The following HELQ variants were observed in gnomAD, a reference collection of about 807,000 sequenced individuals.
HELQ encodes the protein helicase, POLQ like, also known as helicase POLQ-like.
In HELQ, 77 loss-of-function variants were observed where a neutral mutation model predicts 111.6. That is an observed-to-expected ratio of 0.69 (90% CI 0.57 to 0.83). HELQ has a LOEUF of 0.83. Ranked by LOEUF, HELQ falls within the 40% of genes least tolerant of loss-of-function variation. The pLI is 0.00. For missense variants in HELQ, 1,200 were observed against 1,288.5 expected, an observed-to-expected ratio of 0.93 and a Z score of 1.05; for synonymous variants, 438 against 454.7, an observed-to-expected ratio of 0.96 and a Z score of 0.47.
intron 12 of HELQ, among the ~76,000 whole-genome samples, 174 bp from the exon 13 acceptor site, chr4:83,427,894 A>G (rs1384954022): frequency 3.9e-5 from 6 of 152,254 alleles, no homozygotes; most frequent in Non-Finnish European, 8.8e-5. Flanking sequence ...TCAACACTTT[A>G]TAAGTACATA....
rs1553932801 is a variant in HELQ at position 83,448,669 on chromosome 4, C to CAG, written c.1191+113_1191+114insCT. ...TGGGTGACAGAGCAAGACTCCATCT[C>CAG]AAAAAAAAAAAAAAAGAGGTACTTC... On this transcript the variant is annotated intron_variant, in intron 3 of 17. Transcript: ENST00000295488. 5.5e-3 allele frequency: 3,695 copies of CAG among 671,924 alleles called. 1 individual carries two copies. The highest frequency in any genetic ancestry group is 7.1e-3 in the Non-Finnish European group (3,186 of 445,830). 41.6% of individuals were successfully genotyped at this position (671,924 alleles called of 1,614,324 possible).
At chr4:83,453,109 T>C (rs1212515242) in intron 2 of HELQ, 122 bp downstream of exon 2, 1 of 634,726 alleles carries the variant, frequency 1.6e-6, no homozygotes, top group Admixed American at 3.0e-5. Context: ...GAGAGATCAC[T>C]GATCTTTTGT....
intron 14 of HELQ, among the ~76,000 whole-genome samples, chr4:83,422,070 A>G (rs902584297): frequency 4.0e-5 from 6 of 151,830 alleles, no homozygotes; most frequent in Non-Finnish European, 8.8e-5. Context: ...AAAAACAAAC[A>G]AAAAACGTGG....
intron 2 of HELQ, among the ~76,000 whole-genome samples, 154 bp from the exon 3 acceptor site, chr4:83,449,115 A>G (rs1223903753): frequency 6.6e-6 from 1 of 152,234 alleles, no homozygotes; most frequent in Non-Finnish European, 1.5e-5. Flanking sequence ...AAAAATCCCA[A>G]ATGTGCAAGT....
chr4:83,431,932 A>G (rs933211693), intron 10 of HELQ, among the ~76,000 whole-genome samples, 164 bp from the exon 11 acceptor site: 1 of 152,144 alleles, frequency 6.6e-6, no homozygotes. Context: ...TGGAAGAAAA[A>G]CAAATAGGAA....
intron 5 of HELQ, among the ~76,000 whole-genome samples, 197 bp downstream of exon 5, chr4:83,445,817 C>T (rs918800338): frequency 4.2e-4 from 64 of 152,146 alleles, no homozygotes; most frequent in African/African-American, 1.4e-3. Flanking sequence ...TAGTAAGTGG[C>T]GGATAATAAT....
chr4:83,418,271 T>C (rs1413456486), intron 15 of HELQ, 65 bp from the exon 16 acceptor site: 4 of 852,910 alleles, frequency 4.7e-6, no homozygotes, highest in African/African-American at 1.7e-5. Context: ...TTGGTTTGTG[T>C]GATAGGGGGC....
At chr4:83,440,686 C>T (rs955625013) in intron 7 of HELQ, among the ~76,000 whole-genome samples, 6 of 152,104 alleles carry the variant, frequency 3.9e-5, no homozygotes, top group Non-Finnish European at 8.8e-5. Context: ...ATTTTATACA[C>T]CAATATCTGA....
At chr4:83,409,939 G>A (rs1466373121) in intron 17 of HELQ, among the ~76,000 whole-genome samples, 1 of 151,926 alleles carries the variant, frequency 6.6e-6, no homozygotes, top group Non-Finnish European at 1.5e-5. Context: ...TAAAAAGCAG[G>A]AAAACAATAA....
chr4:83,448,604 A>G (rs1262424080), intron 3 of HELQ, among the ~76,000 whole-genome samples, 179 bp downstream of exon 3: 1 of 149,754 alleles, frequency 6.7e-6, no homozygotes, highest in African/African-American at 2.5e-5. Context: ...TGGGAGGCGG[A>G]GGTTGCAGTG....
chr4:83,410,307 A>G (rs1739019131), intron 17 of HELQ, among the ~76,000 whole-genome samples: 1 of 152,250 alleles, frequency 6.6e-6, no homozygotes, highest in African/African-American at 2.4e-5. Context: ...GAATACCAGT[A>G]GAATTTGTGT....
intron 17 of HELQ, among the ~76,000 whole-genome samples, chr4:83,408,315 G>A (rs1045590057): frequency 1.3e-5 from 2 of 152,038 alleles, no homozygotes; most frequent in Admixed American, 1.3e-4. Flanking sequence ...ACGGTGGCGT[G>A]ATCTCAGCTC....
At chr4:83,410,096 C>T (rs1275691828) in intron 17 of HELQ, among the ~76,000 whole-genome samples, 2 of 151,988 alleles carry the variant, frequency 1.3e-5, no homozygotes, top group Admixed American at 1.3e-4. Context: ...ACAACAACAA[C>T]AAAAAATTAG....
At chr4:83,441,178 C>T (rs1400289963) in intron 7 of HELQ, 127 bp downstream of exon 7, 3 of 635,952 alleles carry the variant, frequency 4.7e-6, no homozygotes, top group Non-Finnish European at 8.4e-6. Flanking sequence ...GCATGGTGTC[C>T]AACAAATGTC....
At chr4:83,449,100 A>T in intron 2 of HELQ, 139 bp from the exon 3 acceptor site, 1 of 697,090 alleles carries the variant, frequency 1.4e-6, no homozygotes, top group Admixed American at 3.0e-5. Flanking sequence ...CCAATGTTAC[A>T]TGTCAAAAAT....
chr4:83,441,144 C>G (rs1032376604), intron 7 of HELQ, among the ~76,000 whole-genome samples, 161 bp downstream of exon 7: 1 of 152,188 alleles, frequency 6.6e-6, no homozygotes, highest in Non-Finnish European at 1.5e-5. Flanking sequence ...AAACTGGAAA[C>G]GAGCTATCTT....
intron 5 of HELQ, 49 bp downstream of exon 5, chr4:83,445,965 G>C (rs746830651): frequency 8.7e-7 from 1 of 1,153,710 alleles, no homozygotes; most frequent in South Asian, 1.3e-5. Flanking sequence ...TATTTTATAA[G>C]TCTCTTGATT....
chr4:83,422,168 C>T (rs376079090), intron 14 of HELQ, among the ~76,000 whole-genome samples: 3 of 151,884 alleles, frequency 2.0e-5, no homozygotes, highest in East Asian at 3.9e-4. Context: ...TGCAGGGAGC[C>T]GAGATAGCAC....
At chr4:83,455,369 G>A (rs757621476) in intron 1 of HELQ, 28 bp downstream of exon 1, 2 of 1,599,648 alleles carry the variant, frequency 1.3e-6, no homozygotes, top group Non-Finnish European at 1.7e-6. Flanking sequence ...CCAAAAGTTT[G>A]CAGTTTCAAG....
Sources: allele counts gnomAD v4.1 joint callset (sites outside exome capture counted in the v4.1 genomes callset), GRCh38; gene constraint gnomAD v4.1.1; transcripts MANE v1.5; gene names NCBI Gene and HGNC (gene_info 2026-07-23, HGNC 2026-07-21).